Variants in HK1 observed in about 807,000 individuals in gnomAD.
HK1 encodes the protein hexokinase 1.
In HK1, 28 loss-of-function variants were observed where a neutral mutation model predicts 91.6. That is an observed-to-expected ratio of 0.31 (90% confidence interval 0.23 to 0.42). The LOEUF (loss-of-function observed/expected upper bound fraction) is 0.42. Among genes scored for constraint, HK1 ranks in the 10% least tolerant of loss-of-function variants. The pLI is 1.00. For missense variants in HK1, 770 were observed against 1,219.8 expected (o/e 0.63, Z 5.49); for synonymous variants, 430 against 468.1 (o/e 0.92, Z 1.05).
intron 10 of HK1, 123 bp from the exon 11 acceptor site, chr10:69,384,210 T>C: frequency 8.8e-7 from 1 of 1,139,632 alleles, no homozygotes; most frequent in Non-Finnish European, 1.3e-6. Flanking sequence ...AAGGGAGGAG[T>C]TGCAGCTTCT....
At position 69,305,888 on chromosome 10, in the gene HK1, A is replaced by AAAAAC. The variant is rs1554808737; in HGVS notation, c.27+5031_27+5032insCAAAA. On this transcript the variant is annotated intron_variant, in intron 5 of 21. Coordinates refer to the HK1 transcript ENST00000360289. ...AAAAACAAAACAAAAAAAACAACAA[A>AAAAAC]AAAAAATAAGAAAAAGAAAAAAAGA... Among the ~76,000 whole-genome samples the AAAAAC allele has an allele frequency of 3.5e-3, 523 of 149,876 alleles. 8 individuals carry two copies. Among genetic ancestry groups the AAAAAC allele is most frequent in the Admixed American group, 0.014 (210 of 15,116 alleles).
At chr10:69,304,956 GAGA>G (rs140227481) in intron 5 of HK1, among the ~76,000 whole-genome samples, 3,197 of 152,230 alleles carry the variant, frequency 0.021, 110 homozygotes, top group African/African-American at 0.071. Flanking sequence ...CTGAATCTTG[GAGA>G]AGAAGACCCT....
At chr10:69,275,075 A>G (rs1311618976) in intron 1 of HK1, among the ~76,000 whole-genome samples, 2 of 151,846 alleles carry the variant, frequency 1.3e-5, no homozygotes, top group Non-Finnish European at 2.9e-5. Flanking sequence ...GTTTATCCAT[A>G]TATATTTTTT....
At chr10:69,310,902 C>T (rs1216611664), upstream of HK1, among the ~76,000 whole-genome samples, 1 of 152,162 alleles carries the variant, frequency 6.6e-6, no homozygotes, top group East Asian at 1.9e-4. Context: ...ACTAAAAATA[C>T]AAAATTTAGC....
chr10:69,374,299 G>T (rs989347942), intron 7 of HK1, among the ~76,000 whole-genome samples: 1 of 152,180 alleles, frequency 6.6e-6, no homozygotes, highest in Admixed American at 6.5e-5. Context: ...ATGACTTCTC[G>T]TGGTTGATGA....
At chr10:69,338,416 C>A in intron 1 of HK1, 1 of 1,232,404 alleles carries the variant, frequency 8.1e-7, no homozygotes, top group Non-Finnish European at 1.0e-6. Context: ...CCCACATATT[C>A]GTCTCAGACA....
At chr10:69,329,369 G>A (rs1469984044) in intron 1 of HK1, among the ~76,000 whole-genome samples, 1 of 152,004 alleles carries the variant, frequency 6.6e-6, no homozygotes, top group African/African-American at 2.4e-5. Context: ...CACCATGTTG[G>A]CCAGGATGTT....
intron 1 of HK1, chr10:69,271,053 A>G (rs1243553330): frequency 1.3e-5 from 2 of 152,260 alleles, no homozygotes; most frequent in African/African-American, 4.8e-5. Flanking sequence ...GCCCTGTTCT[A>G]TGCACTGAAG....
intron 2 of HK1, among the ~76,000 whole-genome samples, chr10:69,354,002 C>T (rs1849009456): frequency 6.6e-6 from 1 of 152,116 alleles, no homozygotes; most frequent in African/African-American, 2.4e-5. Context: ...GTGAACGAGC[C>T]CTCGACCTGT....
intron 9 of HK1, among the ~76,000 whole-genome samples, chr10:69,382,117 C>T (rs922873461): frequency 6.6e-6 from 1 of 152,232 alleles, no homozygotes; most frequent in African/African-American, 2.4e-5. Flanking sequence ...AGGCTGGGCA[C>T]AGTGGCCCAT....
intron 3 of HK1, among the ~76,000 whole-genome samples, chr10:69,293,422 G>A (rs564930776): frequency 1.4e-4 from 22 of 152,326 alleles, no homozygotes; most frequent in Middle Eastern, 6.8e-3. Flanking sequence ...GATACTGGAG[G>A]AGGAAGGAAG....
At chr10:69,391,086 A>AG (rs1292624441) in intron 14 of HK1, among the ~76,000 whole-genome samples, 1 of 152,218 alleles carries the variant, frequency 6.6e-6, no homozygotes, top group Non-Finnish European at 1.5e-5. Flanking sequence ...AATGGAAGTC[A>AG]GAGATTCCTG....
At chr10:69,363,149 C>G (rs546817671) in intron 3 of HK1, among the ~76,000 whole-genome samples, 1 of 152,288 alleles carries the variant, frequency 6.6e-6, no homozygotes, top group South Asian at 2.1e-4. Flanking sequence ...AGACAGCCTT[C>G]TTCTGGGTTC....
Position 69,384,804 on chromosome 10 carries a change from T to C in HK1, c.1728T>C (p.Asp576=). 1 of 1,614,212 alleles carries C rather than the reference T, an allele frequency of 6.2e-7. No individual in the cohort carries two copies. The highest frequency in any genetic ancestry group is 8.5e-7 in the Non-Finnish European group (1 of 1,180,036). The change falls in exon 12 of 18, where the codon GAT becomes GAC. Residue 576 remains aspartate, a synonymous_variant. Transcript: ENST00000359426. ...IMQGTGEELF[D]HIVSCISDFL... is the part of the protein sequence containing the mutation. ...TTTCTTTTCCCCTGCAGCTGTTTGA[T>C]CACATTGTCTCCTGCATCTCTGACT...
At chr10:69,299,262 C>T (rs1268671889) in intron 4 of HK1, among the ~76,000 whole-genome samples, 1 of 151,618 alleles carries the variant, frequency 6.6e-6, no homozygotes, top group Non-Finnish European at 1.5e-5. Context: ...AGCCTCCACC[C>T]CGTGGGCTCA....
chr10:69,319,143 C>T (rs1174310389), intron 1 of HK1, 133 bp downstream of exon 1: 10 of 1,053,372 alleles, frequency 9.5e-6, no homozygotes, highest in Non-Finnish European at 1.1e-5. Flanking sequence ...CTGCAGGGCG[C>T]AAGGAAAGCC....
At chr10:69,345,456 C>T (rs767938843) in intron 2 of HK1, among the ~76,000 whole-genome samples, 1 of 152,186 alleles carries the variant, frequency 6.6e-6, no homozygotes, top group Non-Finnish European at 1.5e-5. Context: ...ATGTCACCTA[C>T]AGCCAGGAGC....
intron 2 of HK1, among the ~76,000 whole-genome samples, chr10:69,353,613 A>C (rs1160434994): frequency 3.4e-5 from 4 of 117,772 alleles, no homozygotes; most frequent in Non-Finnish European, 5.5e-5. Context: ...ACAAACAAAC[A>C]AAACCAAAAA....
At chr10:69,343,784 C>T (rs528227421) in intron 1 of HK1, 43 bp from the exon 2 acceptor site, 1 of 1,540,808 alleles carries the variant, frequency 6.5e-7, no homozygotes, top group Admixed American at 1.7e-5. Context: ...TTGCCCTGTC[C>T]TCCCCCTCGA....
Sources: allele counts gnomAD v4.1 joint callset (sites outside exome capture counted in the v4.1 genomes callset), GRCh38; gene constraint gnomAD v4.1.1; transcripts MANE v1.5; gene names NCBI Gene and HGNC (gene_info 2026-07-23, HGNC 2026-07-21).